Variants in RPA1 observed in about 807,000 individuals in gnomAD.
RPA1 encodes replication protein A 70 kDa DNA-binding subunit.
In RPA1, 49 loss-of-function variants were observed where a neutral mutation model predicts 83.0. That is an observed-to-expected ratio of 0.59 (90% CI 0.47 to 0.75). The LOEUF is 0.75. Ranked by LOEUF, RPA1 falls within the 30% of genes least tolerant of loss-of-function variation. The pLI is 0.00. For synonymous variants in RPA1, 279 were observed against 281.8 expected, an observed-to-expected ratio of 0.99 and a Z score of 0.10; for missense variants, 693 against 776.1, an observed-to-expected ratio of 0.89 and a Z score of 1.27.
Position 1,877,302 on chromosome 17 carries a change from G to T in RPA1, c.678G>T (p.Leu226=), listed in dbSNP as rs1913608418. 6.2e-7 allele frequency: 1 copy of T among 1,613,966 alleles called. No individual in the cohort carries two copies. Among genetic ancestry groups the T allele is most frequent in the African/African-American group, 1.3e-5 (1 of 74,904 alleles). The change falls in exon 8 of 17, where the codon CTG becomes CTT. Residue 226 remains leucine, a synonymous_variant. Transcript: ENST00000254719. ...RGEGKLFSLE[L]VDESGEIRAT... ...AAGGGAAGCTTTTCTCCCTAGAACT[G>T]GTTGACGAAAGTGTGAGTGTTTGTC...
At chr17:1,860,193 C>T (rs756257934) in intron 5 of RPA1, among the ~76,000 whole-genome samples, 1 of 152,214 alleles carries the variant, frequency 6.6e-6, no homozygotes, top group Non-Finnish European at 1.5e-5. Flanking sequence ...ATCCTCCTGC[C>T]TCAGCCTCCC....
At chr17:1,832,059 G>C (rs1489503745) in intron 1 of RPA1, among the ~76,000 whole-genome samples, 1 of 151,810 alleles carries the variant, frequency 6.6e-6, no homozygotes, top group Non-Finnish European at 1.5e-5. Flanking sequence ...CTCCAGAGTA[G>C]CTGGGATTAC....
chr17:1,855,348 TG>T (rs1234888647), intron 5 of RPA1, among the ~76,000 whole-genome samples: 3 of 148,442 alleles, frequency 2.0e-5, no homozygotes, highest in Non-Finnish European at 3.0e-5. Context: ...TGTGTGTGTG[TG>T]TGTGTGTGTG....
At chr17:1,870,559 C>T (rs968084041) in intron 5 of RPA1, among the ~76,000 whole-genome samples, 2 of 152,216 alleles carry the variant, frequency 1.3e-5, no homozygotes, top group African/African-American at 4.8e-5. Flanking sequence ...CCATCATCAC[C>T]ATCCATCTTC....
At chr17:1,844,511 A>G (rs943709790) in intron 3 of RPA1, 67 bp from the exon 4 acceptor site, 4 of 1,226,164 alleles carry the variant, frequency 3.3e-6, no homozygotes, top group African/African-American at 1.5e-5. Flanking sequence ...TAGCACAGGT[A>G]TGAGTAGCTC....
chr17:1,835,477 C>T (rs1288916128), intron 1 of RPA1, among the ~76,000 whole-genome samples: 1 of 152,118 alleles, frequency 6.6e-6, no homozygotes, highest in Admixed American at 6.6e-5. Flanking sequence ...AAATGAGTTA[C>T]ATTTGTAAAC....
At chr17:1,864,756 C>T (rs557834021) in intron 5 of RPA1, among the ~76,000 whole-genome samples, 14 of 150,744 alleles carry the variant, frequency 9.3e-5, no homozygotes, top group Admixed American at 2.6e-4. Flanking sequence ...AAAAATTAGC[C>T]GAGTGTGGTG....
chr17:1,872,250 AC>A (rs1364971451), intron 5 of RPA1, 183 bp from the exon 6 acceptor site: 1 of 851,894 alleles, frequency 1.2e-6, no homozygotes, highest in Non-Finnish European at 1.8e-6. Flanking sequence ...TGTAATGAAA[AC>A]AAAAAGTGAA....
intron 5 of RPA1, among the ~76,000 whole-genome samples, chr17:1,853,692 T>A (rs7502600): frequency 0.37 from 56,203 of 151,862 alleles, 12,776 homozygotes; most frequent in Non-Finnish European, 0.53. Context: ...CAAAAAAAAG[T>A]AAGAAAGTAA....
At position 1,834,782 on chromosome 17, in the gene RPA1, C is replaced by T. The variant is rs142998242; in HGVS notation, c.33+4656C>T. Reference sequence around the variant, plus strand: ...TCCCATTTTACAGAGGAAGGAAGTACAGAGAGGTTGAATAATGTGTCCATG... The same window carrying T: ...TCCCATTTTACAGAGGAAGGAAGTATAGAGAGGTTGAATAATGTGTCCATG... On this transcript the variant is annotated intron_variant, in intron 1 of 16. Coordinates refer to ENST00000254719, the MANE Select transcript of RPA1 (RefSeq NM_002945.5). Among the ~76,000 whole-genome samples the T allele has an allele frequency of 8.5e-5, 13 of 152,260 alleles. No individual in the cohort carries two copies. The East Asian group carries it at 2.5e-3, about 29-fold the overall frequency.
chr17:1,856,402 G>A (rs1912699406), intron 5 of RPA1, among the ~76,000 whole-genome samples: 1 of 151,776 alleles, frequency 6.6e-6, no homozygotes, highest in East Asian at 1.9e-4. Context: ...TTGGAGACCA[G>A]CCTGGCCAAT....
In RPA1 at chr17:1,879,640, A is replaced by G; in HGVS notation, c.1033A>G (p.Asn345Asp). 6.2e-7 allele frequency: 1 copy of G among 1,614,258 alleles called. No individual in the cohort carries two copies. ...RSNNREVAKR[N>D]IYLMDTSGKV... is the part of the protein sequence containing the mutation. ...TAACAACAGAGAAGTTGCCAAGAGG[A>G]ATATCTACTTGATGGACACATCCGG... The change falls in exon 11 of 17, where the codon AAT becomes GAT. Residue 345 changes from asparagine (N) to aspartate (D), a missense_variant. Asn to Asp is a conservative substitution (Grantham distance 23, BLOSUM62 1). Transcript: ENST00000254719.
At chr17:1,867,155 C>CT (rs962348322) in intron 5 of RPA1, among the ~76,000 whole-genome samples, 5 of 151,850 alleles carry the variant, frequency 3.3e-5, no homozygotes, top group African/African-American at 9.7e-5. Context: ...TGACACATCA[C>CT]TTTTTTTTGC....
At chr17:1,846,894 A>G (rs1021541149) in intron 4 of RPA1, among the ~76,000 whole-genome samples, 1 of 152,110 alleles carries the variant, frequency 6.6e-6, no homozygotes, top group Non-Finnish European at 1.5e-5. Flanking sequence ...ATCTTTATAA[A>G]TTATTAGATG....
intron 8 of RPA1, 134 bp downstream of exon 8, chr17:1,877,448 A>G (rs1913615871): frequency 8.5e-6 from 6 of 703,512 alleles, no homozygotes; most frequent in Non-Finnish European, 1.5e-5. Context: ...CTCGCCGAGA[A>G]ACAGAAGGCT....
chr17:1,896,977 C>G (rs1182894075), intron 16 of RPA1, 94 bp from the exon 17 acceptor site: 10 of 999,408 alleles, frequency 1.0e-5, no homozygotes, highest in Non-Finnish European at 1.4e-5. Context: ...TCTGTTCCCT[C>G]CCGCTGGGCT....
chr17:1,894,770 C>T (rs1410793613), intron 15 of RPA1, among the ~76,000 whole-genome samples: 6 of 152,176 alleles, frequency 3.9e-5, no homozygotes, highest in Admixed American at 2.6e-4. Flanking sequence ...TTCCAAAACC[C>T]TCTTCTCCCT....
chr17:1,843,135 T>A (rs1284767886), intron 2 of RPA1, among the ~76,000 whole-genome samples: 1 of 151,824 alleles, frequency 6.6e-6, no homozygotes, highest in Non-Finnish European at 1.5e-5. Context: ...CTACTTGCCT[T>A]TCCTGCCCTT....
chr17:1,831,130 C>T (rs777209090), intron 1 of RPA1, among the ~76,000 whole-genome samples: 6 of 152,112 alleles, frequency 3.9e-5, no homozygotes, highest in Non-Finnish European at 5.9e-5. Flanking sequence ...TTGTACAGAG[C>T]CACCTTTACT....
Sources: allele counts gnomAD v4.1 joint callset (sites outside exome capture counted in the v4.1 genomes callset), GRCh38; gene constraint gnomAD v4.1.1; transcripts MANE v1.5; gene names NCBI Gene and HGNC (gene_info 2026-07-23, HGNC 2026-07-21).